STAG1: variants seen among roughly 807,000 people sequenced by gnomAD.
The protein encoded by STAG1 is STAG1 cohesin complex component, also known as cohesin subunit SA-1.
Under a neutral mutation model 170.9 loss-of-function variants are expected in STAG1, and 26 were observed. That is an observed-to-expected ratio of 0.15 (90% CI 0.11 to 0.21). The LOEUF (loss-of-function observed/expected upper bound fraction) is 0.21, where lower values mean the gene tolerates loss of function less well. STAG1 is among the 10% of genes least tolerant of loss of function. STAG1 has a pLI of 1.00. For missense variants in STAG1, 964 were observed against 1,509.5 expected (o/e 0.64, Z 5.99); for synonymous variants, 514 against 497.7 (o/e 1.03, Z -0.44).
intron 22 of STAG1, among the ~76,000 whole-genome samples, chr3:136,386,032 T>G (rs948509311): frequency 6.6e-6 from 1 of 152,102 alleles, no homozygotes; most frequent in Non-Finnish European, 1.5e-5. Context: ...ACAAATTAAG[T>G]TGACGTTTTT....
At chr3:136,448,808 G>A (rs1032360305) in intron 14 of STAG1, among the ~76,000 whole-genome samples, 4 of 151,174 alleles carry the variant, frequency 2.6e-5, no homozygotes, top group South Asian at 4.2e-4. Context: ...GCGTGGTGGC[G>A]CATGCCTCTA....
chr3:136,558,638 T>C (rs1936718900), intron 5 of STAG1, among the ~76,000 whole-genome samples: 1 of 152,166 alleles, frequency 6.6e-6, no homozygotes, highest in Non-Finnish European at 1.5e-5. Flanking sequence ...ATGAGCAAAA[T>C]ATGTGAAGCC....
chr3:136,384,807 G>A (rs536404566), intron 22 of STAG1, among the ~76,000 whole-genome samples: 3 of 150,664 alleles, frequency 2.0e-5, no homozygotes, highest in Non-Finnish European at 4.4e-5. Flanking sequence ...TTTGAAAGTT[G>A]AATTACTCAA....
At chr3:136,539,806 T>A (rs928900023) in intron 6 of STAG1, among the ~76,000 whole-genome samples, 3 of 152,222 alleles carry the variant, frequency 2.0e-5, no homozygotes, top group Non-Finnish European at 4.4e-5. Flanking sequence ...ATTGTAATAA[T>A]CTGTTTGTAA....
At position 136,470,173 on chromosome 3, in the gene STAG1, G is replaced by C. The variant is rs1483529739; in HGVS notation, c.1205+2240C>G. ...CCTAAAGAGCTTCTGCACAGCAAAA[G>C]AAACTACCATCAGAGTGAACAGGCA... On this transcript the variant is annotated intron_variant, in intron 12 of 33. Transcript: ENST00000383202. Among the ~76,000 whole-genome samples the C allele has an allele frequency of 2.0e-5, 3 of 152,136 alleles. No individual in the cohort carries two copies. In the East Asian group the frequency reaches 5.8e-4, roughly 29 times the overall value.
At chr3:136,714,049 A>T (rs981136894) in intron 1 of STAG1, among the ~76,000 whole-genome samples, 4 of 151,904 alleles carry the variant, frequency 2.6e-5, no homozygotes, top group African/African-American at 9.7e-5. Flanking sequence ...AGAACAAAAA[A>T]TTGAAAATTA....
chr3:136,579,498 G>A (rs996521933), intron 4 of STAG1, among the ~76,000 whole-genome samples: 2 of 152,206 alleles, frequency 1.3e-5, no homozygotes, highest in African/African-American at 2.4e-5. Context: ...AGCTCACTTA[G>A]GTTGATTTCC....
At chr3:136,550,724 GATGTTT>G (rs1265569694) in intron 5 of STAG1, among the ~76,000 whole-genome samples, 1 of 145,540 alleles carries the variant, frequency 6.9e-6, no homozygotes, top group Admixed American at 6.8e-5. Flanking sequence ...AGTCTCTTAT[GATGTTT>G]ATTATTTCTG....
intron 9 of STAG1, among the ~76,000 whole-genome samples, chr3:136,484,336 C>A (rs1043033551): frequency 6.7e-6 from 1 of 148,658 alleles, no homozygotes; most frequent in Admixed American, 6.7e-5. Context: ...AATACCCTGC[C>A]GTGTGAGGTG....
intron 1 of STAG1, among the ~76,000 whole-genome samples, chr3:136,678,791 T>A (rs1942224279): frequency 7.1e-6 from 1 of 140,140 alleles, no homozygotes; most frequent in Admixed American, 7.8e-5. Context: ...GGTGGGATAA[T>A]CACTTGAGGC....
At chr3:136,657,049 T>C (rs1410362430) in intron 1 of STAG1, among the ~76,000 whole-genome samples, 1 of 151,656 alleles carries the variant, frequency 6.6e-6, no homozygotes, top group African/African-American at 2.4e-5. Flanking sequence ...TGGAGAGCAA[T>C]TACTTGTGAA....
chr3:136,619,606 GA>G (rs1251000357), intron 3 of STAG1, among the ~76,000 whole-genome samples: 3 of 151,388 alleles, frequency 2.0e-5, no homozygotes, highest in African/African-American at 7.3e-5. Context: ...AAAATACAAA[GA>G]TTAGCCAGGT....
At chr3:136,367,698 T>C (rs1018679755) in intron 24 of STAG1, among the ~76,000 whole-genome samples, 5 of 152,176 alleles carry the variant, frequency 3.3e-5, no homozygotes, top group African/African-American at 9.6e-5. Flanking sequence ...AATTGAAATA[T>C]GGATGAGTTA....
chr3:136,571,472 G>A (rs377577871), intron 4 of STAG1, among the ~76,000 whole-genome samples: 11 of 152,112 alleles, frequency 7.2e-5, no homozygotes, highest in South Asian at 4.1e-4. Flanking sequence ...GGGAGGCTGA[G>A]ATAAGAGGAT....
intron 5 of STAG1, among the ~76,000 whole-genome samples, chr3:136,561,728 T>C (rs1413987860): frequency 1.3e-5 from 2 of 152,176 alleles, no homozygotes; most frequent in Non-Finnish European, 2.9e-5. Context: ...TAATGTTAAA[T>C]AAGAATTGTG....
At chr3:136,662,168 T>TG (rs71626014) in intron 1 of STAG1, among the ~76,000 whole-genome samples, 1 of 151,526 alleles carries the variant, frequency 6.6e-6, no homozygotes, top group African/African-American at 2.4e-5. Flanking sequence ...TTTTTTTTTT[T>TG]GGAGATGGAG....
intron 4 of STAG1, among the ~76,000 whole-genome samples, chr3:136,575,274 G>C (rs1017076871): frequency 6.6e-6 from 1 of 152,260 alleles, no homozygotes; most frequent in African/African-American, 2.4e-5. Flanking sequence ...ACCCAGGCTA[G>C]GGTCCAGTGG....
chr3:136,742,812 T>C (rs1934740328), intron 1 of STAG1, among the ~76,000 whole-genome samples: 1 of 151,976 alleles, frequency 6.6e-6, no homozygotes, highest in African/African-American at 2.4e-5. Context: ...CAAGGTAAAT[T>C]ATAAACATAA....
chr3:136,546,218 G>A (rs866534132), intron 5 of STAG1, among the ~76,000 whole-genome samples: 2 of 152,284 alleles, frequency 1.3e-5, no homozygotes. Context: ...TGTTGTTCAC[G>A]TAAGACTTAG....
Sources: allele counts gnomAD v4.1 joint callset (sites outside exome capture counted in the v4.1 genomes callset), GRCh38; gene constraint gnomAD v4.1.1; transcripts MANE v1.5; gene names NCBI Gene and HGNC (gene_info 2026-07-23, HGNC 2026-07-21).